The following CACNA2D3 variants were observed in gnomAD, a reference collection of about 807,000 sequenced individuals.
CACNA2D3 encodes the protein calcium voltage-gated channel auxiliary subunit alpha2delta 3, also known as voltage-dependent calcium channel subunit alpha-2/delta-3.
In CACNA2D3, 60 loss-of-function variants were observed where a neutral mutation model predicts 160.6. The ratio of observed to expected loss-of-function variants is 0.37; its 90% CI spans 0.30 to 0.46. The LOEUF (loss-of-function observed/expected upper bound fraction) is 0.46, where lower values mean the gene tolerates loss of function less well. Ranked by LOEUF, CACNA2D3 falls within the 20% of genes least tolerant of loss-of-function variation. CACNA2D3 has a pLI of 1.00. For synonymous variants in CACNA2D3, 558 were observed against 492.9 expected (o/e 1.13, Z -1.75); for missense variants, 1,205 against 1,365.0 (o/e 0.88, Z 1.85).
intron 11 of CACNA2D3, among the ~76,000 whole-genome samples, chr3:54,719,698 G>A (rs1197665035): frequency 6.6e-6 from 1 of 151,872 alleles, no homozygotes; most frequent in Non-Finnish European, 1.5e-5. Context: ...TATACTCTCT[G>A]GAAGGATTTG....
At chr3:54,414,991 A>G (rs1231281244) in intron 4 of CACNA2D3, among the ~76,000 whole-genome samples, 1 of 152,106 alleles carries the variant, frequency 6.6e-6, no homozygotes, top group South Asian at 2.1e-4. Context: ...TTACATACAC[A>G]GTGTGATTGC....
chr3:54,593,547 T>A (rs1702900050), intron 9 of CACNA2D3, among the ~76,000 whole-genome samples: 1 of 152,130 alleles, frequency 6.6e-6, no homozygotes, highest in Non-Finnish European at 1.5e-5. Context: ...GAACCCCAAA[T>A]CCTTTCACAA....
intron 17 of CACNA2D3, among the ~76,000 whole-genome samples, chr3:54,860,554 T>C (rs1338511908): frequency 6.6e-6 from 1 of 152,222 alleles, no homozygotes; most frequent in Non-Finnish European, 1.5e-5. Flanking sequence ...TGTTCGTATA[T>C]ATTTAAAGGG....
intron 13 of CACNA2D3, among the ~76,000 whole-genome samples, chr3:54,778,230 G>C (rs143650782): frequency 6.6e-6 from 1 of 152,144 alleles, no homozygotes; most frequent in Non-Finnish European, 1.5e-5. Flanking sequence ...AGCAAGGGGG[G>C]ACATCAGCAG....
At chr3:54,989,611 G>T (rs868437361) in intron 31 of CACNA2D3, among the ~76,000 whole-genome samples, 1 of 152,096 alleles carries the variant, frequency 6.6e-6, no homozygotes, top group Non-Finnish European at 1.5e-5. Flanking sequence ...CCAAACACTG[G>T]TTTCTCTACA....
At chr3:54,780,500 A>T (rs545477057) in intron 13 of CACNA2D3, among the ~76,000 whole-genome samples, 2 of 152,202 alleles carry the variant, frequency 1.3e-5, no homozygotes, top group Admixed American at 1.3e-4. Context: ...GAAGTGTGGA[A>T]TGTGATTTTT....
intron 2 of CACNA2D3, among the ~76,000 whole-genome samples, chr3:54,223,585 T>G (rs2107380984): frequency 6.6e-6 from 1 of 152,174 alleles, no homozygotes; most frequent in African/African-American, 2.4e-5. Context: ...CCGGGTGCGG[T>G]AATCCTAGCA....
intron 3 of CACNA2D3, among the ~76,000 whole-genome samples, chr3:54,324,655 C>T (rs1198209190): frequency 6.6e-6 from 1 of 152,074 alleles, no homozygotes; most frequent in Non-Finnish European, 1.5e-5. Flanking sequence ...GTGCCCAAGG[C>T]ACCATCTCTC....
chr3:54,802,950 G>T (rs549832541), intron 13 of CACNA2D3, among the ~76,000 whole-genome samples: 2 of 152,162 alleles, frequency 1.3e-5, no homozygotes, highest in African/African-American at 4.8e-5. Context: ...AGTCAAACAG[G>T]GTCTGAAGTG....
At chr3:54,173,935 G>A (rs1283610457) in intron 2 of CACNA2D3, among the ~76,000 whole-genome samples, 2 of 152,212 alleles carry the variant, frequency 1.3e-5, no homozygotes, top group South Asian at 2.1e-4. Context: ...GACCCACTGG[G>A]GGATGGTTTT....
At chr3:54,320,590 C>G (rs1703964784) in intron 3 of CACNA2D3, 32 bp downstream of exon 3, 3 of 1,274,274 alleles carry the variant, frequency 2.4e-6, no homozygotes, top group Admixed American at 2.5e-5. Flanking sequence ...CCTGTATCGC[C>G]TGAAGGCACA....
chr3:54,803,006 G>C (rs1463622497), intron 13 of CACNA2D3, among the ~76,000 whole-genome samples: 1 of 152,128 alleles, frequency 6.6e-6, no homozygotes, highest in Non-Finnish European at 1.5e-5. Context: ...GGTCCTGTCT[G>C]GTAGAAGGAA....
chr3:54,438,834 C>T (rs1700098448), intron 4 of CACNA2D3, among the ~76,000 whole-genome samples: 1 of 152,098 alleles, frequency 6.6e-6, no homozygotes, highest in African/African-American at 2.4e-5. Flanking sequence ...TTATATAACA[C>T]CAAAAGATTA....
intron 12 of CACNA2D3, among the ~76,000 whole-genome samples, chr3:54,760,026 T>C (rs1215450312): frequency 6.6e-6 from 1 of 152,218 alleles, no homozygotes; most frequent in East Asian, 1.9e-4. Context: ...GTTCCCACCT[T>C]ACTAATGGCT....
intron 29 of CACNA2D3, among the ~76,000 whole-genome samples, chr3:54,972,629 A>C (rs1575415919): frequency 6.6e-6 from 1 of 151,632 alleles, no homozygotes; most frequent in African/African-American, 2.4e-5. Context: ...CCTTAGATCC[A>C]CTCCAGCCCC....
At chr3:54,745,385 G>A (rs1044091878) in intron 11 of CACNA2D3, among the ~76,000 whole-genome samples, 1 of 151,970 alleles carries the variant, frequency 6.6e-6, no homozygotes, top group Non-Finnish European at 1.5e-5. Context: ...GGAGGCATGG[G>A]CTGTGGATTG....
At chr3:54,939,042 A>G (rs1198607231) in intron 27 of CACNA2D3, among the ~76,000 whole-genome samples, 1 of 152,196 alleles carries the variant, frequency 6.6e-6, no homozygotes, top group African/African-American at 2.4e-5. Context: ...CTACCTCTCC[A>G]TTTGGGATAA....
intron 14 of CACNA2D3, among the ~76,000 whole-genome samples, chr3:54,821,054 C>T (rs895207106): frequency 2.0e-5 from 3 of 152,100 alleles, no homozygotes; most frequent in East Asian, 1.9e-4. Flanking sequence ...TGTGGATGAA[C>T]GTGTCCAGAC....
intron 11 of CACNA2D3, among the ~76,000 whole-genome samples, chr3:54,699,451 C>A (rs1575429147): frequency 6.6e-6 from 1 of 152,306 alleles, no homozygotes; most frequent in Non-Finnish European, 1.5e-5. Context: ...TCCCCCCAGT[C>A]ACTAACAAGT....
Sources: allele counts gnomAD v4.1 joint callset (sites outside exome capture counted in the v4.1 genomes callset), GRCh38; gene constraint gnomAD v4.1.1; transcripts MANE v1.5; gene names NCBI Gene and HGNC (gene_info 2026-07-23, HGNC 2026-07-21).